SH3D19: variants seen among roughly 807,000 people sequenced by gnomAD.
The protein encoded by SH3D19 is SH3 domain containing 19, also known as SH3 domain-containing protein 19.
A neutral mutation model predicts 112.1 loss-of-function variants in SH3D19; 58 were observed. That is an observed-to-expected ratio of 0.52 (90% CI 0.42 to 0.64). The LOEUF (loss-of-function observed/expected upper bound fraction) is 0.64. Among genes scored for constraint, SH3D19 ranks in the 30% least tolerant of loss-of-function variants. SH3D19 has a pLI of 0.00. For synonymous variants in SH3D19, 391 were observed against 448.5 expected (o/e 0.87, Z 1.62); for missense variants, 1,090 against 1,263.4 (o/e 0.86, Z 2.08).
chr4:151,306,862 T>C (rs1728962356), intron 1 of SH3D19, among the ~76,000 whole-genome samples: 1 of 152,196 alleles, frequency 6.6e-6, no homozygotes, highest in Non-Finnish European at 1.5e-5. Context: ...ACTGGACTTG[T>C]CCCTCATGTT....
chr4:151,126,696 G>A (rs1423586507), intron 19 of SH3D19, among the ~76,000 whole-genome samples: 1 of 86,044 alleles, frequency 1.2e-5, no homozygotes, highest in Non-Finnish European at 2.7e-5. Context: ...CTACTCGGGA[G>A]GCTGAGGCAG....
In SH3D19 at chr4:151,196,881, CAT is replaced by C. The variant is rs1190747520; in HGVS notation, c.153-9420_153-9419del. ...GGAAGATATATAAATGGCTAACAAA[CAT>C]ATGAAAAATGCCCGACATCATTAAT... On this transcript the variant is annotated intron_variant, in intron 2 of 19. Transcript: ENST00000604030. Among the ~76,000 whole-genome samples, 3 of 152,188 alleles carry C rather than the reference CAT, an allele frequency of 2.0e-5. No individual in the cohort carries two copies. The South Asian group carries it at 6.2e-4, about 32-fold the overall frequency.
intron 1 of SH3D19, among the ~76,000 whole-genome samples, chr4:151,249,755 C>T (rs1771215530): frequency 6.6e-6 from 1 of 152,296 alleles, no homozygotes; most frequent in African/African-American, 2.4e-5. Context: ...TCATTACTCT[C>T]TCTTTCTTCC....
chr4:151,183,785 G>A (rs1761309500), intron 3 of SH3D19, among the ~76,000 whole-genome samples: 1 of 152,160 alleles, frequency 6.6e-6, no homozygotes, highest in Non-Finnish European at 1.5e-5. Context: ...TTTGGGACAG[G>A]GTATAAGAGT....
intron 1 of SH3D19, among the ~76,000 whole-genome samples, chr4:151,253,331 C>T (rs983189732): frequency 6.6e-6 from 1 of 152,222 alleles, no homozygotes; most frequent in Non-Finnish European, 1.5e-5. Flanking sequence ...CTCATTTCCT[C>T]TCTTACCTCT....
chr4:151,146,461 T>G (rs1753936598), intron 11 of SH3D19, among the ~76,000 whole-genome samples: 1 of 151,996 alleles, frequency 6.6e-6, no homozygotes, highest in Admixed American at 6.6e-5. Context: ...CTCCTTATCA[T>G]TTTTATTTGT....
rs778287640 is a variant in SH3D19 at position 151,128,274 on chromosome 4, C to G, written c.2825G>C (p.Gly942Ala). 23 of 1,614,038 alleles carry G rather than the reference C, an allele frequency of 1.4e-5. No homozygotes were observed. The highest frequency in any genetic ancestry group is 1.8e-5 in the Non-Finnish European group (21 of 1,180,022). ...ACGTTCCAGAATCTGGATCCGGTCTCCCCTCTTGAATGATAAGTCATCACT... is the reference window on the plus strand; with the variant it reads ...ACGTTCCAGAATCTGGATCCGGTCTGCCCTCTTGAATGATAAGTCATCACT... ...ETSDDLSFKR[G>A]DRIQILERLD... is the part of the protein sequence containing the mutation. Residue 942 changes from glycine to alanine, a missense_variant, in exon 18 of 20, where the codon GGA (glycine) becomes GCA (alanine). Transcript: ENST00000604030.
At chr4:151,279,178 C>G in intron 1 of SH3D19, 1 of 356,982 alleles carries the variant, frequency 2.8e-6, no homozygotes, top group Non-Finnish European at 5.3e-6. Flanking sequence ...CTTGAGTATA[C>G]AGGTCACCAG....
intron 19 of SH3D19, among the ~76,000 whole-genome samples, chr4:151,126,959 G>A (rs377735037): frequency 6.7e-6 from 1 of 148,328 alleles, no homozygotes; most frequent in East Asian, 2.0e-4. Flanking sequence ...TTGTGGACAA[G>A]AGTGCAGTGG....
chr4:151,122,111 G>A lies in SH3D19; in HGVS notation c.3124C>T (p.Gln1042Ter), dbSNP rs954679431. 106 of 1,591,412 alleles carry A rather than the reference G, an allele frequency of 6.7e-5. No homozygotes were observed. Among genetic ancestry groups the A allele is most frequent in the Non-Finnish European group, 8.8e-5 (102 of 1,159,668 alleles). ...KSGIFPKNYIQFLQIS is the reference protein window; with the variant it reads ...KSGIFPKNYI ...CTCCTCTAGCTGATCTGTAGAAACT[G>A]TATGTAGTTTTTGGGAAATATTCCA... Residue 1042 changes from glutamine to a stop codon, truncating the protein, a stop_gained, in exon 20 of 20, where the codon CAG becomes TAG. Coordinates refer to ENST00000604030, the MANE Select transcript of SH3D19 (RefSeq NM_001378122.1). LOFTEE classifies it high-confidence loss of function.
intron 2 of SH3D19, among the ~76,000 whole-genome samples, chr4:151,212,850 A>G (rs1240208307): frequency 6.6e-6 from 1 of 152,232 alleles, no homozygotes; most frequent in Non-Finnish European, 1.5e-5. Flanking sequence ...GAAAACCTGG[A>G]AAGGATTCAC....
intron 19 of SH3D19, among the ~76,000 whole-genome samples, chr4:151,124,252 A>G (rs1748669621): frequency 6.6e-6 from 1 of 151,904 alleles, no homozygotes; most frequent in African/African-American, 2.4e-5. Context: ...GACTACAGGT[A>G]TGCACCACCA....
At chr4:151,307,014 CTTCT>C in intron 1 of SH3D19, among the ~76,000 whole-genome samples, 1 of 125,238 alleles carries the variant, frequency 8.0e-6, no homozygotes. Flanking sequence ...CTAATGATGA[CTTCT>C]TTTTTTTTTT....
intron 8 of SH3D19, among the ~76,000 whole-genome samples, chr4:151,160,367 GTAAGC>G (rs2149798008): frequency 6.6e-6 from 1 of 152,320 alleles, no homozygotes; most frequent in East Asian, 1.9e-4. Context: ...GATTACAGGC[GTAAGC>G]CACTGCATCC....
intron 2 of SH3D19, among the ~76,000 whole-genome samples, chr4:151,208,702 G>T (rs1241542126): frequency 7.2e-6 from 1 of 139,420 alleles, no homozygotes. Context: ...TTTTGAGATG[G>T]AGTCTTGCTC....
At chr4:151,215,819 G>C (rs979743361) in intron 2 of SH3D19, among the ~76,000 whole-genome samples, 6 of 151,774 alleles carry the variant, frequency 4.0e-5, no homozygotes, top group African/African-American at 1.5e-4. Context: ...CTGGTTTCAG[G>C]AAAGGGTTTT....
At position 151,188,017 on chromosome 4, in the gene SH3D19, C is replaced by T. The variant is rs144449434; in HGVS notation, c.153-554G>A. On this transcript the variant is annotated intron_variant, in intron 2 of 19. Transcript: ENST00000604030. ...CTTCTTTCTCTCCCTTTCTCCCCTC[C>T]TACCCAACACCCTGCTTCCTCTCTT... 3.3e-5 allele frequency among the ~76,000 whole-genome samples: 5 copies of T among 152,280 alleles called. No individual in the cohort carries two copies. The East Asian group carries it at 9.6e-4, about 29-fold the overall frequency.
At chr4:151,275,685 C>A (rs1247782746) in intron 1 of SH3D19, among the ~76,000 whole-genome samples, 1 of 151,328 alleles carries the variant, frequency 6.6e-6, no homozygotes, top group Non-Finnish European at 1.5e-5. Flanking sequence ...CTACACCAGG[C>A]TAATTTTTAA....
chr4:151,151,178 C>A (rs1423328987), intron 9 of SH3D19, among the ~76,000 whole-genome samples: 1 of 152,090 alleles, frequency 6.6e-6, no homozygotes, highest in African/African-American at 2.4e-5. Flanking sequence ...CCAGGATGGT[C>A]TCAAACTCCT....
Sources: gnomAD v4.1 joint callset for allele counts (sites outside exome capture counted in the v4.1 genomes callset) on GRCh38, gnomAD v4.1.1 for gene constraint, MANE v1.5 for transcripts, NCBI Gene and HGNC (gene_info 2026-07-23, HGNC 2026-07-21) for gene names.